The following RC3H2 variants were observed in gnomAD, a reference collection of about 807,000 sequenced individuals.
The protein encoded by RC3H2 is ring finger and CCCH-type domains 2, also known as roquin-2.
Under a neutral mutation model 133.3 loss-of-function variants are expected in RC3H2, and 31 were observed. The ratio of observed to expected loss-of-function variants is 0.23; its 90% CI spans 0.17 to 0.31. RC3H2 has a LOEUF of 0.31. Ranked by LOEUF, RC3H2 falls within the 10% of genes least tolerant of loss-of-function variation. The probability of loss-of-function intolerance (pLI) is 1.00; values close to 1 mark genes in which losing one functional copy is unlikely to be tolerated. For synonymous variants in RC3H2, 517 were observed against 502.2 expected (o/e 1.03, Z -0.40); for missense variants, 1,175 against 1,437.2 (o/e 0.82, Z 2.95).
chr9:122,875,097 A>G (rs1314090213), intron 9 of RC3H2: 7 of 1,372,484 alleles, frequency 5.1e-6, no homozygotes, highest in Non-Finnish European at 6.7e-6. Context: ...AGTCTCCCAA[A>G]TTATCTTGAT....
intron 18 of RC3H2, among the ~76,000 whole-genome samples, chr9:122,852,832 TG>T (rs1241834212): frequency 1.3e-5 from 2 of 151,768 alleles, no homozygotes; most frequent in African/African-American, 4.8e-5. Context: ...CCGCCCCTAC[TG>T]GGAAGTGAGG....
chr9:122,868,870 TGTGTGTGTGTGTGTGTGTGTATGTG>T (rs1467410375), intron 9 of RC3H2, among the ~76,000 whole-genome samples: 11 of 65,062 alleles, frequency 1.7e-4, no homozygotes, highest in Non-Finnish European at 3.5e-4. Flanking sequence ...TGTGTGTGTG[TGTGTGTGTGTGTGTGTGTGTATGTG>T]TTTTTTTTTT....
chr9:122,858,226 A>G, intron 12 of RC3H2, 133 bp from the exon 13 acceptor site: 2 of 746,842 alleles, frequency 2.7e-6, no homozygotes, highest in Non-Finnish European at 4.3e-6. Flanking sequence ...ACCCTAGTCT[A>G]TTCTCCATAC....
chr9:122,887,681 T>C (rs1285862844), intron 4 of RC3H2, among the ~76,000 whole-genome samples: 1 of 152,088 alleles, frequency 6.6e-6, no homozygotes, highest in Non-Finnish European at 1.5e-5. Flanking sequence ...GTACTAATAT[T>C]GCCAATTCAA....
intron 1 of RC3H2, among the ~76,000 whole-genome samples, chr9:122,902,966 A>G (rs951808166): frequency 1.3e-5 from 2 of 152,202 alleles, no homozygotes; most frequent in Non-Finnish European, 2.9e-5. Flanking sequence ...TTACTGAGAT[A>G]TTAAAAAAAA....
At chr9:122,879,688 G>A (rs1831518034) in intron 8 of RC3H2, 67 bp downstream of exon 8, 2 of 1,057,566 alleles carry the variant, frequency 1.9e-6, no homozygotes, top group Admixed American at 4.4e-5. Context: ...AAAACAGCTG[G>A]TTAAGATGTT....
intron 3 of RC3H2, among the ~76,000 whole-genome samples, chr9:122,892,204 T>G (rs1433430953): frequency 6.6e-6 from 1 of 151,902 alleles, no homozygotes; most frequent in Non-Finnish European, 1.5e-5. Context: ...CTCAACTTCC[T>G]GGGCTCATGT....
chr9:122,853,874 T>C (rs767130694), intron 18 of RC3H2, 78 bp downstream of exon 18: 1 of 1,613,504 alleles, frequency 6.2e-7, no homozygotes, highest in East Asian at 2.2e-5. Context: ...CAAAATGCAC[T>C]CAGTAATGGT....
chr9:122,864,661 C>A (rs866712169), intron 10 of RC3H2, among the ~76,000 whole-genome samples: 1 of 151,760 alleles, frequency 6.6e-6, no homozygotes, highest in Non-Finnish European at 1.5e-5. Flanking sequence ...CACTCTGTTG[C>A]CCAGGCTGGA....
chr9:122,872,156 C>T (rs1181755286), intron 9 of RC3H2, among the ~76,000 whole-genome samples: 1 of 152,202 alleles, frequency 6.6e-6, no homozygotes, highest in Non-Finnish European at 1.5e-5. Context: ...ATTTTCTGCC[C>T]TGATGCATTT....
intron 10 of RC3H2, among the ~76,000 whole-genome samples, chr9:122,860,547 G>A (rs1830419082): frequency 6.6e-6 from 1 of 151,550 alleles, no homozygotes; most frequent in South Asian, 2.1e-4. Flanking sequence ...CCAAGCAGAT[G>A]GGACTACAAG....
At position 122,851,364 on chromosome 9, in the gene RC3H2, G is replaced by A. The variant is rs201920127; in HGVS notation, c.3190C>T (p.Leu1064Phe). ...TGTCCATCAGGTTCATCAGTATCAA[G>A]TGCTGAAAGCTCTAACTCGATATCC... ...DRDIELELSALDTDEPDGQSE... is the reference protein window; with the variant it reads ...DRDIELELSAFDTDEPDGQSE... Residue 1064 changes from leucine (L) to phenylalanine (F), a missense_variant, in exon 19 of 21, where the codon CTT becomes TTT. By Grantham distance (22) the Leu-to-Phe change is conservative (BLOSUM62 0). This residue lies in a region of RC3H2 where 220 missense variants were observed against 201.1 expected (regional missense o/e 1.09). Transcript: ENST00000357244. 543 of 1,614,160 alleles carry A rather than the reference G, an allele frequency of 3.4e-4. 2 individuals carry two copies. Among genetic ancestry groups the A allele is most frequent in the Admixed American group, 3.7e-4 (22 of 60,034 alleles).
At chr9:122,872,417 T>G (rs1336208693) in intron 9 of RC3H2, among the ~76,000 whole-genome samples, 1 of 152,318 alleles carries the variant, frequency 6.6e-6, no homozygotes, top group East Asian at 1.9e-4. Flanking sequence ...GAGTGATATG[T>G]CTAAGACAAA....
intron 12 of RC3H2, 90 bp from the exon 13 acceptor site, chr9:122,858,183 T>C (rs1048962923): frequency 1.3e-5 from 16 of 1,223,694 alleles, no homozygotes; most frequent in African/African-American, 9.1e-5. Context: ...GTTTATGATA[T>C]TGTTGGGATA....
intron 9 of RC3H2, among the ~76,000 whole-genome samples, chr9:122,870,577 G>A (rs184581749): frequency 6.6e-6 from 1 of 152,268 alleles, no homozygotes; most frequent in East Asian, 1.9e-4. Context: ...TCTTAGTATT[G>A]GGGCAGCTAA....
intron 9 of RC3H2, among the ~76,000 whole-genome samples, chr9:122,868,916 G>T (rs150045144): frequency 0.1 from 9,924 of 95,926 alleles, 1,791 homozygotes; most frequent in East Asian, 0.49. Context: ...TTTTTTTTGT[G>T]GGGGGGTTAA....
chr9:122,873,841 G>A (rs932867370), intron 9 of RC3H2: 18 of 151,642 alleles, frequency 1.2e-4, no homozygotes, highest in African/African-American at 3.4e-4. Flanking sequence ...TTTTTGAGAC[G>A]GAATCTTGCT....
At chr9:122,883,156 C>T in intron 5 of RC3H2, 48 bp downstream of exon 5, 9 of 1,542,148 alleles carry the variant, frequency 5.8e-6, no homozygotes, top group Non-Finnish European at 8.0e-6. Context: ...TTCAGGAAGT[C>T]TCTGTCTCAC....
chr9:122,896,788 T>C (rs1483076511), intron 2 of RC3H2, among the ~76,000 whole-genome samples: 1 of 150,268 alleles, frequency 6.7e-6, no homozygotes, highest in Non-Finnish European at 1.5e-5. Flanking sequence ...CCTGGGAGGC[T>C]GAGGTGGGCG....
Sources: allele counts gnomAD v4.1 joint callset (sites outside exome capture counted in the v4.1 genomes callset), GRCh38; gene constraint gnomAD v4.1.1; regional missense constraint gnomAD v4.1.1; transcripts MANE v1.5; gene names NCBI Gene and HGNC (gene_info 2026-07-23, HGNC 2026-07-21).